ADARB2: variants seen among roughly 807,000 people sequenced by gnomAD.
The protein encoded by ADARB2 is adenosine deaminase RNA specific B2 (inactive), also known as inactive double-stranded RNA-specific editase B2.
Under a neutral mutation model 62.2 loss-of-function variants are expected in ADARB2, and 25 were observed. The ratio of observed to expected loss-of-function variants is 0.40; its 90% CI spans 0.29 to 0.56. The LOEUF (loss-of-function observed/expected upper bound fraction) is 0.56, where lower values mean the gene tolerates loss of function less well. Ranked by LOEUF, ADARB2 falls within the 20% of genes least tolerant of loss-of-function variation. The pLI is 0.43. For synonymous variants in ADARB2, 572 were observed against 500.8 expected, an observed-to-expected ratio of 1.14 and a Z score of -1.90; for missense variants, 1,071 against 1,077.4, an observed-to-expected ratio of 0.99 and a Z score of 0.08.
intron 1 of ADARB2, among the ~76,000 whole-genome samples, chr10:1,616,207 A>G (rs904786998): frequency 1.3e-5 from 2 of 152,172 alleles, no homozygotes; most frequent in African/African-American, 4.8e-5. Context: ...GCATTTCTAT[A>G]GAGGGTCCCA....
At chr10:1,216,746 C>T (rs1830627939) in intron 7 of ADARB2, 2 of 690,502 alleles carry the variant, frequency 2.9e-6, no homozygotes, top group African/African-American at 3.7e-5. Context: ...GGGCCTTGCT[C>T]CCTCAGGGAC....
intron 1 of ADARB2, among the ~76,000 whole-genome samples, chr10:1,671,224 CG>C (rs1266119781): frequency 6.6e-6 from 1 of 152,180 alleles, no homozygotes; most frequent in Non-Finnish European, 1.5e-5. Flanking sequence ...CTCATGATCT[CG>C]CCCCCACCCG....
chr10:1,262,829 C>T (rs1362733767), intron 4 of ADARB2, among the ~76,000 whole-genome samples: 1 of 152,060 alleles, frequency 6.6e-6, no homozygotes, highest in Non-Finnish European at 1.5e-5. Context: ...GACATATGCA[C>T]ACATATGTTT....
At chr10:1,256,976 G>A (rs925547382) in intron 4 of ADARB2, among the ~76,000 whole-genome samples, 2 of 152,152 alleles carry the variant, frequency 1.3e-5, no homozygotes, top group African/African-American at 4.8e-5. Flanking sequence ...CATGAAGCCC[G>A]CGCTCATAAA....
At chr10:1,435,951 T>G (rs1013787555) in intron 1 of ADARB2, among the ~76,000 whole-genome samples, 1 of 152,236 alleles carries the variant, frequency 6.6e-6, no homozygotes, top group Non-Finnish European at 1.5e-5. Flanking sequence ...AGCACCACCT[T>G]TCTGTTCTTG....
chr10:1,243,437 G>A (rs1028957351), intron 4 of ADARB2, among the ~76,000 whole-genome samples: 1 of 152,240 alleles, frequency 6.6e-6, no homozygotes, highest in African/African-American at 2.4e-5. Flanking sequence ...GCCAGAAGCA[G>A]GCTTCCCTCC....
At chr10:1,303,691 C>T (rs1417171945) in intron 3 of ADARB2, among the ~76,000 whole-genome samples, 31 of 150,472 alleles carry the variant, frequency 2.1e-4, no homozygotes, top group African/African-American at 5.7e-4. Context: ...CGGCAGAAAC[C>T]CTACAAGCCA....
intron 1 of ADARB2, among the ~76,000 whole-genome samples, chr10:1,500,071 A>AT (rs1245687896): frequency 5.3e-5 from 8 of 152,160 alleles, no homozygotes; most frequent in South Asian, 2.1e-4. Flanking sequence ...TGCTTTGTGA[A>AT]TTTTTTGTAT....
At chr10:1,605,358 C>T (rs781637369) in intron 1 of ADARB2, among the ~76,000 whole-genome samples, 3 of 152,208 alleles carry the variant, frequency 2.0e-5, no homozygotes, top group Non-Finnish European at 4.4e-5. Flanking sequence ...GTCACCTTCC[C>T]GTCTCTCAGA....
At chr10:1,706,111 CT>C (rs1834887266) in intron 1 of ADARB2, among the ~76,000 whole-genome samples, 1 of 152,166 alleles carries the variant, frequency 6.6e-6, no homozygotes, top group Non-Finnish European at 1.5e-5. Context: ...TGTTGACTTG[CT>C]TTTATCAGAG....
chr10:1,647,092 C>A (rs1834052144), intron 1 of ADARB2, among the ~76,000 whole-genome samples: 1 of 152,246 alleles, frequency 6.6e-6, no homozygotes, highest in South Asian at 2.1e-4. Context: ...CATTACAGTG[C>A]CTGCTGCTCT....
chr10:1,194,419 C>T (rs1235342529), intron 8 of ADARB2, among the ~76,000 whole-genome samples: 1 of 152,210 alleles, frequency 6.6e-6, no homozygotes, highest in Non-Finnish European at 1.5e-5. Flanking sequence ...GCATTTTAGA[C>T]TTGCCAGCCT....
At chr10:1,576,731 G>A (rs185764565) in intron 1 of ADARB2, among the ~76,000 whole-genome samples, 4 of 152,300 alleles carry the variant, frequency 2.6e-5, no homozygotes, top group Non-Finnish European at 4.4e-5. Context: ...GAAGCTTTGA[G>A]CCCTGAAACC....
intron 3 of ADARB2, among the ~76,000 whole-genome samples, chr10:1,318,440 GACCATTTGCTAGAAACAAGCAGT>G (rs1188562916): frequency 6.6e-6 from 1 of 152,236 alleles, no homozygotes; most frequent in Non-Finnish European, 1.5e-5. Flanking sequence ...GGGAAAGCCA[GACCATTTGCTAGAAACAAGCAGT>G]ACCATTTGCA....
At chr10:1,518,045 A>G (rs1254512167) in intron 1 of ADARB2, among the ~76,000 whole-genome samples, 2 of 152,222 alleles carry the variant, frequency 1.3e-5, no homozygotes, top group Non-Finnish European at 2.9e-5. Context: ...GGAGGTAAAA[A>G]GAATTTAAGC....
At chr10:1,640,784 A>G (rs544337031) in intron 1 of ADARB2, among the ~76,000 whole-genome samples, 1 of 152,360 alleles carries the variant, frequency 6.6e-6, no homozygotes, top group South Asian at 2.1e-4. Flanking sequence ...TTTGAAAAAT[A>G]TATTAGTGAG....
chr10:1,301,034 A>T (rs893589528), intron 3 of ADARB2, among the ~76,000 whole-genome samples: 1 of 152,170 alleles, frequency 6.6e-6, no homozygotes, highest in African/African-American at 2.4e-5. Flanking sequence ...CTTAAAAACC[A>T]CTGGTTCTGA....
chr10:1,262,209 G>A lies in ADARB2; in HGVS notation c.1192+8746C>T, dbSNP rs1361970702. Among the ~76,000 whole-genome samples, 421 of 146,318 alleles carry A rather than the reference G, an allele frequency of 2.9e-3. 25 individuals are homozygous for A. The highest frequency in any genetic ancestry group is 0.01 in the African/African-American group (394 of 37,832). ...CTAATGCTAGATGACGAGTTAGTGG[G>A]TGCAGTACACCAGCATGGCACATGT... is the stretch of plus-strand genomic sequence containing the variant. On this transcript the variant is annotated intron_variant, in intron 4 of 9. Coordinates refer to ENST00000381312, the MANE Select transcript of ADARB2 (RefSeq NM_018702.4).
chr10:1,529,577 GT>G (rs1036437676), intron 1 of ADARB2, among the ~76,000 whole-genome samples: 1 of 152,110 alleles, frequency 6.6e-6, no homozygotes, highest in Non-Finnish European at 1.5e-5. Flanking sequence ...CCCTTCCATA[GT>G]TTTCCCCTCA....
Sources: gnomAD v4.1 joint callset for allele counts (sites outside exome capture counted in the v4.1 genomes callset) on GRCh38, gnomAD v4.1.1 for gene constraint, MANE v1.5 for transcripts, NCBI Gene and HGNC (gene_info 2026-07-23, HGNC 2026-07-21) for gene names.